The following IPO11 variants were observed in gnomAD, a reference collection of about 807,000 sequenced individuals.
The protein encoded by IPO11 is importin-11.
Under a neutral mutation model 143.2 loss-of-function variants are expected in IPO11, and 66 were observed. That is an observed-to-expected ratio of 0.46 (90% confidence interval 0.38 to 0.57). The LOEUF is 0.57. Among genes scored for constraint, IPO11 ranks in the 20% least tolerant of loss-of-function variants. IPO11 has a pLI of 0.00. For synonymous variants in IPO11, 385 were observed against 377.8 expected (o/e 1.02, Z -0.22); for missense variants, 1,026 against 1,141.0 (o/e 0.90, Z 1.45).
chr5:62,599,933 G>A (rs1039286588), intron 28 of IPO11, among the ~76,000 whole-genome samples: 2 of 152,082 alleles, frequency 1.3e-5, no homozygotes, highest in African/African-American at 4.8e-5. Flanking sequence ...TTTAGCTTTG[G>A]GCTTTTCAGT....
At chr5:62,445,080 T>C (rs997183660) in intron 3 of IPO11, among the ~76,000 whole-genome samples, 4 of 152,086 alleles carry the variant, frequency 2.6e-5, no homozygotes, top group African/African-American at 9.7e-5. Context: ...AAGCTGTCTC[T>C]TTTAGTATAT....
chr5:62,435,804 G>A (rs796791203), intron 1 of IPO11, among the ~76,000 whole-genome samples: 2 of 152,120 alleles, frequency 1.3e-5, no homozygotes, highest in South Asian at 2.1e-4. Flanking sequence ...TGAGGCAGGC[G>A]GATCACCTGG....
At chr5:62,483,545 A>G (rs963341521) in intron 10 of IPO11, among the ~76,000 whole-genome samples, 1 of 152,204 alleles carries the variant, frequency 6.6e-6, no homozygotes, top group African/African-American at 2.4e-5. Flanking sequence ...ATTAGGTACT[A>G]TAGTCATCAC....
chr5:62,578,425 T>C (rs1480464932), intron 27 of IPO11, among the ~76,000 whole-genome samples: 1 of 152,072 alleles, frequency 6.6e-6, no homozygotes, highest in Non-Finnish European at 1.5e-5. Flanking sequence ...CATTAAAAAG[T>C]TTACAAAAAA....
intron 27 of IPO11, among the ~76,000 whole-genome samples, chr5:62,567,340 CTT>C (rs1743978707): frequency 6.6e-6 from 1 of 151,710 alleles, no homozygotes; most frequent in African/African-American, 2.4e-5. Flanking sequence ...AGGATCGACT[CTT>C]TGTGATCATT....
At chr5:62,426,312 G>A (rs1193990613) in intron 1 of IPO11, among the ~76,000 whole-genome samples, 2 of 152,146 alleles carry the variant, frequency 1.3e-5, no homozygotes, top group South Asian at 2.1e-4. Flanking sequence ...GCTTGAACCC[G>A]GGAGGTGGAG....
At chr5:62,513,885 G>A (rs1741893338) in intron 19 of IPO11, among the ~76,000 whole-genome samples, 2 of 150,028 alleles carry the variant, frequency 1.3e-5, no homozygotes, top group African/African-American at 2.5e-5. Context: ...CGGGGCGGCC[G>A]GGCAGAGACG....
intron 5 of IPO11, among the ~76,000 whole-genome samples, chr5:62,455,056 A>G (rs1317741509): frequency 1.3e-5 from 2 of 152,214 alleles, no homozygotes; most frequent in Non-Finnish European, 1.5e-5. Context: ...CGGTTGAGGT[A>G]CAAGATGTGT....
chr5:62,523,327 CTG>C (rs1399690221), intron 20 of IPO11, among the ~76,000 whole-genome samples: 1 of 152,122 alleles, frequency 6.6e-6, no homozygotes, highest in Non-Finnish European at 1.5e-5. Flanking sequence ...ATTTCTAACA[CTG>C]TGCATTATTT....
chr5:62,536,260 G>C (rs1460627161), intron 22 of IPO11, among the ~76,000 whole-genome samples: 1 of 152,042 alleles, frequency 6.6e-6, no homozygotes, highest in African/African-American at 2.4e-5. Flanking sequence ...TGCCATGCTA[G>C]CAGTAAAAAT....
intron 19 of IPO11, among the ~76,000 whole-genome samples, chr5:62,514,241 G>A (rs1441379425): frequency 6.6e-6 from 1 of 152,096 alleles, no homozygotes; most frequent in African/African-American, 2.4e-5. Context: ...CAAGGCAGGC[G>A]GCTGGGAGGT....
intron 29 of IPO11, among the ~76,000 whole-genome samples, chr5:62,614,853 G>GA (rs1746070218): frequency 6.6e-6 from 1 of 152,090 alleles, no homozygotes; most frequent in Admixed American, 6.5e-5. Flanking sequence ...TGAAGATGGT[G>GA]AATGTGGGGG....
rs1480603261 is a variant in IPO11 at position 62,440,388 on chromosome 5, T to A, written c.139-2595T>A. Among the ~76,000 whole-genome samples, 19 of 147,668 alleles carry A rather than the reference T, an allele frequency of 1.3e-4. No individual in the cohort carries two copies. In the Admixed American group the frequency reaches 1.3e-3, roughly 10 times the overall value. On this transcript the variant is annotated intron_variant, in intron 2 of 29. Coordinates refer to ENST00000325324, the MANE Select transcript of IPO11 (RefSeq NM_016338.5). ...TTTTTTATCTGAGGTGGAGTCTCGC[T>A]GTGTTGCCCAGGCTGGAGTGCAGTG...
At chr5:62,509,728 A>G (rs1473650213) in intron 19 of IPO11, among the ~76,000 whole-genome samples, 2 of 152,196 alleles carry the variant, frequency 1.3e-5, no homozygotes, top group Non-Finnish European at 2.9e-5. Context: ...GATACCTCAT[A>G]TAAGTAGAAT....
chr5:62,575,740 G>A (rs895385264), intron 27 of IPO11, among the ~76,000 whole-genome samples: 4 of 152,152 alleles, frequency 2.6e-5, no homozygotes, highest in African/African-American at 9.7e-5. Flanking sequence ...CACTGATGAT[G>A]TTAATGCTGG....
chr5:62,458,071 G>A (rs1043641347), intron 5 of IPO11, among the ~76,000 whole-genome samples: 1 of 150,626 alleles, frequency 6.6e-6, no homozygotes, highest in African/African-American at 2.4e-5. Flanking sequence ...GGCGTGAATC[G>A]GGGAGGCGGA....
At chr5:62,426,784 A>G (rs1316490554) in intron 1 of IPO11, among the ~76,000 whole-genome samples, 2 of 149,150 alleles carry the variant, frequency 1.3e-5, no homozygotes, top group Admixed American at 6.7e-5. Flanking sequence ...TTTGTATAGT[A>G]TTATATATAT....
intron 24 of IPO11, among the ~76,000 whole-genome samples, chr5:62,539,656 GT>G (rs1318613804): frequency 6.6e-6 from 1 of 152,174 alleles, no homozygotes; most frequent in Non-Finnish European, 1.5e-5. Context: ...TATTGGACTA[GT>G]CTATTAATCC....
chr5:62,546,090 A>G (rs1271533890), intron 24 of IPO11, among the ~76,000 whole-genome samples: 1 of 152,224 alleles, frequency 6.6e-6, no homozygotes, highest in Non-Finnish European at 1.5e-5. Context: ...CAGCCGTCCC[A>G]TTACTGGAGA....
Sources: gnomAD v4.1 joint callset for allele counts (sites outside exome capture counted in the v4.1 genomes callset) on GRCh38, gnomAD v4.1.1 for gene constraint, MANE v1.5 for transcripts, NCBI Gene and HGNC (gene_info 2026-07-23, HGNC 2026-07-21) for gene names.